Variants in SYT7 observed in about 807,000 individuals in gnomAD.
SYT7 encodes synaptotagmin-7.
SYT7 carries 29 observed loss-of-function variants against 75.1 expected under a neutral mutation model. The observed-to-expected ratio is 0.39, with a 90% CI of 0.29 to 0.53. The LOEUF (loss-of-function observed/expected upper bound fraction) is 0.53, where lower values mean the gene tolerates loss of function less well. SYT7 is among the 20% of genes least tolerant of loss of function. SYT7 has a pLI of 0.77. For missense variants in SYT7, 693 were observed against 953.2 expected, an observed-to-expected ratio of 0.73 and a Z score of 3.59; for synonymous variants, 376 against 401.7, an observed-to-expected ratio of 0.94 and a Z score of 0.76.
rs532312762 is a variant in SYT7 at position 61,552,089 on chromosome 11, G to C, written c.136-626C>G. ...AGAGGCAGTTGCGGGGAGGCAGCCT[G>C]GGCCCCTGCCCCCCAGAGTCCCTCA... On this transcript the variant is annotated intron_variant, in intron 2 of 12. Transcript: ENST00000539008. Among the ~76,000 whole-genome samples the C allele has an allele frequency of 2.6e-5, 4 of 152,216 alleles. 1 individual carries two copies. In the Middle Eastern group the frequency reaches 0.01, roughly 388 times the overall value.
At chr11:61,574,616 C>T (rs1279205665) in intron 1 of SYT7, among the ~76,000 whole-genome samples, 1 of 151,782 alleles carries the variant, frequency 6.6e-6, no homozygotes, top group Non-Finnish European at 1.5e-5. Context: ...ATCCCTGACC[C>T]CCATCCTTGG....
At chr11:61,579,222 T>C (rs2064169010) in intron 1 of SYT7, among the ~76,000 whole-genome samples, 2 of 152,228 alleles carry the variant, frequency 1.3e-5, no homozygotes, top group African/African-American at 4.8e-5. Context: ...CAGAGCTGGC[T>C]TCTGAACTAA....
intron 1 of SYT7, among the ~76,000 whole-genome samples, chr11:61,557,237 T>C (rs1203568444): frequency 6.6e-6 from 1 of 152,242 alleles, no homozygotes; most frequent in African/African-American, 2.4e-5. Context: ...ACACATGCGC[T>C]ATCAATCTGT....
In SYT7 at chr11:61,524,113, C is replaced by T. The variant is rs2062435102; in HGVS notation, c.1642-172G>A. Among the ~76,000 whole-genome samples the T allele has an allele frequency of 6.6e-6, 1 of 152,112 alleles. No homozygotes were observed. The highest frequency in any genetic ancestry group is 2.4e-5 in the African/African-American group (1 of 41,422). On this transcript the variant is annotated intron_variant, in intron 10 of 12. Transcript: ENST00000539008. This position sits in a 1 kb window ranked among gnomAD's most constrained non-coding sequence, Gnocchi z 4.1. ...CTGGCAGGTGTGTGTACTGCCCCTC[C>T]CAGGGTCACCATCGCCTCCCTGTTC...
At chr11:61,582,299 C>T (rs1395401840), upstream of SYT7, among the ~76,000 whole-genome samples, 2 of 152,192 alleles carry the variant, frequency 1.3e-5, no homozygotes, top group Non-Finnish European at 2.9e-5. Context: ...TGCAGGTGAG[C>T]CAGGCTTCCT....
intron 1 of SYT7, among the ~76,000 whole-genome samples, chr11:61,577,041 G>A (rs903116339): frequency 6.6e-6 from 1 of 152,132 alleles, no homozygotes; most frequent in South Asian, 2.1e-4. Flanking sequence ...CCAGTATGAG[G>A]AGGGGCTTTG....
intron 1 of SYT7, among the ~76,000 whole-genome samples, chr11:61,566,541 C>T (rs1433152262): frequency 6.6e-6 from 1 of 152,162 alleles, no homozygotes; most frequent in Non-Finnish European, 1.5e-5. Flanking sequence ...TGACACACTC[C>T]CCACCCACCT....
At chr11:61,535,206 G>A (rs958806668) in intron 7 of SYT7, among the ~76,000 whole-genome samples, 2 of 152,200 alleles carry the variant, frequency 1.3e-5, no homozygotes, top group Non-Finnish European at 1.5e-5. Context: ...GAAGGAGAGA[G>A]AGGCCAAGAA....
intron 3 of SYT7, among the ~76,000 whole-genome samples, chr11:61,549,682 C>T (rs1285084679): frequency 2.6e-5 from 4 of 152,224 alleles, no homozygotes; most frequent in South Asian, 4.1e-4. Context: ...TTCTGTCCCT[C>T]GGGGCAGAGG....
chr11:61,552,146 C>T (rs577230955), intron 2 of SYT7, among the ~76,000 whole-genome samples: 278 of 152,228 alleles, frequency 1.8e-3, no homozygotes, highest in African/African-American at 6.5e-3. Context: ...AGCAGGGCAG[C>T]GGGTGGGTAC....
At position 61,546,778 on chromosome 11, in the gene SYT7, C is replaced by T. The variant is rs926852788; in HGVS notation, c.347+399G>A. On this transcript the variant is annotated intron_variant, in intron 4 of 12. Coordinates refer to ENST00000539008, the MANE Select transcript of SYT7 (RefSeq NM_001365809.2). This position sits in a 1 kb window ranked among gnomAD's most constrained non-coding sequence, Gnocchi z 7.6. Reference sequence around the variant, plus strand: ...GCCACGAACCACCGACCACCGACCACCGACCACCGAGCAGCCACGGCAGCA... The same window carrying T: ...GCCACGAACCACCGACCACCGACCATCGACCACCGAGCAGCCACGGCAGCA... 6 of 391,434 alleles carry T rather than the reference C, an allele frequency of 1.5e-5. No homozygotes were observed. The highest frequency in any genetic ancestry group is 8.5e-5 in the African/African-American group (4 of 47,166). 24.2% of individuals were successfully genotyped at this position (391,434 alleles called of 1,614,324 possible). A position where few individuals can be genotyped will look rare whatever the true frequency, so the allele number is the denominator to read the frequency against.
chr11:61,533,233 C>A, intron 7 of SYT7, 109 bp from the exon 8 acceptor site: 1 of 1,465,130 alleles, frequency 6.8e-7, no homozygotes, highest in Non-Finnish European at 9.0e-7. Flanking sequence ...AGCTGCCATG[C>A]CCGGCGGGCC....
intron 2 of SYT7, among the ~76,000 whole-genome samples, chr11:61,552,662 T>C (rs1327525055): frequency 1.3e-5 from 2 of 152,094 alleles, no homozygotes; most frequent in African/African-American, 4.8e-5. Flanking sequence ...GGCAGCCCCT[T>C]CCCAGGCACG....
intron 1 of SYT7, among the ~76,000 whole-genome samples, chr11:61,560,943 C>A (rs2135377189): frequency 6.6e-6 from 1 of 152,266 alleles, no homozygotes. Context: ...ACTTTCCCTG[C>A]TGGTCCTGAG....
Position 61,515,097 on chromosome 11 carries a change from T to C in SYT7, c.*3530A>G, listed in dbSNP as rs1590799569. Among the ~76,000 whole-genome samples the C allele has an allele frequency of 1.3e-5, 2 of 152,192 alleles. No individual in the cohort carries two copies. The highest frequency in any genetic ancestry group is 2.4e-5 in the African/African-American group (1 of 41,448). ...GCCTGATCTGGGAGATGTAGCTGCC[T>C]CTCTGCTTTCTGGGAAGCCAGTGGG... is the stretch of plus-strand genomic sequence containing the variant. On this transcript the variant is annotated 3_prime_UTR_variant, in exon 13 of 13. Transcript: ENST00000539008.
chr11:61,565,927 G>GATGC (rs2135401215), intron 1 of SYT7, among the ~76,000 whole-genome samples: 1 of 152,398 alleles, frequency 6.6e-6, no homozygotes, highest in South Asian at 2.1e-4. Flanking sequence ...AGGCCGGCTA[G>GATGC]ATGCAGACGG....
Position 61,523,315 on chromosome 11 carries a change from G to A in SYT7, c.1757-41C>T. On this transcript the variant is annotated intron_variant, in intron 11 of 12. Transcript: ENST00000539008. The surrounding 1 kb of genome is among the most constrained non-coding windows in gnomAD (Gnocchi z 5.0). The stretch of plus-strand genomic sequence containing the variant: ...GGGAAGGGTTAGAGGGACCGTGGGG[G>A]AGGGACTTCCTAGGATCCTTTTCCC... 1 of 1,582,178 alleles carries A rather than the reference G, an allele frequency of 6.3e-7. No homozygotes were observed. The highest frequency in any genetic ancestry group is 8.7e-7 in the Non-Finnish European group (1 of 1,151,574).
At chr11:61,558,497 C>CACACAT (rs2063557044) in intron 1 of SYT7, among the ~76,000 whole-genome samples, 3 of 141,644 alleles carry the variant, frequency 2.1e-5, no homozygotes, top group South Asian at 4.6e-4. Context: ...CACACACACA[C>CACACAT]ACACACATAC....
intron 1 of SYT7, among the ~76,000 whole-genome samples, chr11:61,562,529 G>A (rs1284343828): frequency 2.0e-5 from 3 of 152,178 alleles, no homozygotes; most frequent in Admixed American, 6.5e-5. Context: ...ATCGTGCCCT[G>A]GATTAGTGAT....
Sources: gnomAD v4.1 joint callset for allele counts (sites outside exome capture counted in the v4.1 genomes callset) on GRCh38, gnomAD v4.1.1 for gene constraint, Gnocchi (gnomAD v3.1) non-coding constraint, MANE v1.5 for transcripts, NCBI Gene and HGNC (gene_info 2026-07-23, HGNC 2026-07-21) for gene names.